The following CBX7 variants were observed in gnomAD, a reference collection of about 807,000 sequenced individuals.
CBX7 encodes chromobox 7, also known as chromobox protein homolog 7.
Under a neutral mutation model 31.4 loss-of-function variants are expected in CBX7, and 14 were observed. The observed-to-expected ratio is 0.45, with a 90% CI of 0.29 to 0.70. The LOEUF is 0.70. Ranked by LOEUF, CBX7 falls within the 30% of genes least tolerant of loss-of-function variation. CBX7 has a pLI of 0.11. For synonymous variants in CBX7, 159 were observed against 152.6 expected, an observed-to-expected ratio of 1.04 and a Z score of -0.31; for missense variants, 269 against 351.9, an observed-to-expected ratio of 0.76 and a Z score of 1.89.
chr22:39,150,743 C>T (rs1930821058), intron 1 of CBX7, among the ~76,000 whole-genome samples: 1 of 152,088 alleles, frequency 6.6e-6, no homozygotes, highest in Non-Finnish European at 1.5e-5. Flanking sequence ...GCACTGCAGC[C>T]TGGGTGACAG....
chr22:39,150,025 C>T (rs113053332), intron 1 of CBX7, among the ~76,000 whole-genome samples, 193 bp from the exon 2 acceptor site: 20 of 152,276 alleles, frequency 1.3e-4, no homozygotes, highest in African/African-American at 4.8e-4. Context: ...GCTGCATGCC[C>T]GCCCCATACT....
rs202216099 is a variant in CBX7 at position 39,133,930 on chromosome 22, T to C, written c.717A>G (p.Ala239=). 3.0e-5 allele frequency: 49 copies of C among 1,613,580 alleles called. 1 individual carries two copies. In the East Asian group the frequency reaches 1.0e-3, roughly 35 times the overall value. The change falls in exon 6 of 6, where the codon GCA becomes GCG. Residue 239 remains alanine (A), a synonymous_variant. Coordinates refer to ENST00000216133, the MANE Select transcript of CBX7 (RefSeq NM_175709.5). ...SITVTFREAQ[A]AEGFFRDRSG... is the part of the protein sequence containing the mutation. ...TGCGGTCTCGGAAGAAGCCCTCAGC[T>C]GCCTGGGCCTCGCGGAAGGTGACGG... is the stretch of plus-strand genomic sequence containing the variant.
At chr22:39,139,991 C>T (rs1428503471) in intron 3 of CBX7, among the ~76,000 whole-genome samples, 1 of 152,072 alleles carries the variant, frequency 6.6e-6, no homozygotes, top group Non-Finnish European at 1.5e-5. Context: ...CATAAGACAA[C>T]ACAACCAGAG....
Position 39,152,299 on chromosome 22 carries a change from C to A in CBX7, c.69+77G>T. ...CCCGCGCCCCGCTTTCCCCTTCAGCCCCAGCGTGGAGGGAGCGGTGCTGGG... is the reference window on the plus strand; with the variant it reads ...CCCGCGCCCCGCTTTCCCCTTCAGCACCAGCGTGGAGGGAGCGGTGCTGGG... On this transcript the variant is annotated intron_variant, in intron 1 of 5. Coordinates refer to ENST00000216133, the MANE Select transcript of CBX7 (RefSeq NM_175709.5). The surrounding 1 kb of genome is among the most constrained non-coding windows in gnomAD (Gnocchi z 4.9). 1.0e-6 allele frequency: 1 copy of A among 992,604 alleles called. No homozygotes were observed. Among genetic ancestry groups the A allele is most frequent in the Non-Finnish European group, 1.3e-6 (1 of 762,084 alleles). The allele number at this position is 992,604 out of a possible 1,614,324, so 61.5% of individuals were successfully genotyped here.
chr22:39,142,501 A>AAG (rs1930496452), intron 2 of CBX7, among the ~76,000 whole-genome samples: 1 of 152,174 alleles, frequency 6.6e-6, no homozygotes, highest in Non-Finnish European at 1.5e-5. Context: ...CTCGCCACCC[A>AAG]GCCAGGGAGC....
chr22:39,146,210 G>A (rs2146368204), intron 2 of CBX7, among the ~76,000 whole-genome samples: 1 of 152,366 alleles, frequency 6.6e-6, no homozygotes, highest in South Asian at 2.1e-4. Flanking sequence ...GATGTGTTAA[G>A]CCACGGAAAG....
Position 39,152,515 on chromosome 22 carries a change from C to T in CBX7, c.-71G>A. On this transcript the variant is annotated 5_prime_UTR_variant, in exon 1 of 6. Coordinates refer to ENST00000216133, the MANE Select transcript of CBX7 (RefSeq NM_175709.5). The surrounding 1 kb of genome is among the most constrained non-coding windows in gnomAD (Gnocchi z 4.9). Reference sequence around the variant, plus strand: ...CGGAGCTGCGGGGCCGCGGCTGCGGCGCGCGATGCTGGGGCTGGCGGGGTC... The same window carrying T: ...CGGAGCTGCGGGGCCGCGGCTGCGGTGCGCGATGCTGGGGCTGGCGGGGTC... The T allele has an allele frequency of 4.4e-6, 3 of 687,722 alleles. No individual in the cohort carries two copies. Among genetic ancestry groups the T allele is most frequent in the Non-Finnish European group, 5.4e-6 (3 of 558,762 alleles). The allele number at this position is 687,722 out of a possible 1,614,324, so 42.6% of individuals were successfully genotyped here. A position where few individuals can be genotyped will look rare whatever the true frequency, so the allele number is the denominator to read the frequency against.
rs1481587704 is a variant in CBX7, at chr22:39,137,370, C to T, written c.246+1266G>A. On this transcript the variant is annotated intron_variant, in intron 4 of 5. Coordinates refer to ENST00000216133, the MANE Select transcript of CBX7 (RefSeq NM_175709.5). ...GGTGGGGGGGCGGGGCGGCAGGGGA[C>T]GGAGTTTCACTCTTATCACCCAGGC... 4.0e-5 allele frequency among the ~76,000 whole-genome samples: 6 copies of T among 151,842 alleles called. No homozygotes were observed. The South Asian group carries it at 8.4e-4, about 21-fold the overall frequency.
intron 3 of CBX7, 159 bp downstream of exon 3, chr22:39,141,212 C>A: frequency 1.7e-6 from 1 of 587,668 alleles, no homozygotes; most frequent in East Asian, 3.1e-5. Flanking sequence ...TGCCCTGGGA[C>A]TCAGTGCCCA....
intron 4 of CBX7, chr22:39,135,193 G>C (rs962618848): frequency 6.2e-6 from 1 of 162,482 alleles, no homozygotes; most frequent in Non-Finnish European, 1.3e-5. Flanking sequence ...TGTGCTCTTG[G>C]AGTTGCTTGG....
At chr22:39,137,041 G>A (rs747621093) in intron 4 of CBX7, among the ~76,000 whole-genome samples, 3 of 152,132 alleles carry the variant, frequency 2.0e-5, no homozygotes, top group Non-Finnish European at 4.4e-5. Context: ...TATCCTGCCT[G>A]GTGGGTCTTA....
rs1196779356 is a variant in CBX7, at chr22:39,134,009, G to A, written c.638C>T (p.Pro213Leu). 1.9e-6 allele frequency: 3 copies of A among 1,611,534 alleles called. No homozygotes were observed. In the Admixed American group the frequency reaches 5.0e-5, roughly 27 times the overall value. The change falls in exon 6 of 6, where the codon CCT becomes CTT. Residue 213 changes from proline to leucine, a missense_variant. This residue lies in a region of CBX7 where 222 missense variants were observed against 240.4 expected (regional missense o/e 0.92). Coordinates refer to ENST00000216133, the MANE Select transcript of CBX7 (RefSeq NM_175709.5). ...DLAEGPPPWT[P>L]ALPSSEVTVT... ...GGTCACCTCACTTGAGGGGAGCGCA[G>A]GTGTCCAGGGAGGGGGCCCCTCGGC... is the stretch of plus-strand genomic sequence containing the variant.
At chr22:39,140,860 C>T (rs1290121122) in intron 3 of CBX7, among the ~76,000 whole-genome samples, 2 of 152,146 alleles carry the variant, frequency 1.3e-5, no homozygotes, top group Non-Finnish European at 2.9e-5. Context: ...CAGGCCAGAA[C>T]TCAGAAATCC....
At chr22:39,142,947 GCCA>G (rs1930512612) in intron 2 of CBX7, among the ~76,000 whole-genome samples, 1 of 143,834 alleles carries the variant, frequency 7.0e-6, no homozygotes, top group Non-Finnish European at 1.5e-5. Context: ...AAGCTTTAAG[GCCA>G]GTGTCTTAGG....
At chr22:39,143,740 T>C (rs1204686315) in intron 2 of CBX7, among the ~76,000 whole-genome samples, 1 of 152,236 alleles carries the variant, frequency 6.6e-6, no homozygotes, top group African/African-American at 2.4e-5. Flanking sequence ...ACTGCACCTT[T>C]TCTACGTTTG....
chr22:39,139,485 A>T (rs561214296), intron 3 of CBX7, among the ~76,000 whole-genome samples: 1 of 151,280 alleles, frequency 6.6e-6, no homozygotes, highest in East Asian at 2.0e-4. Context: ...GGCAGATTAC[A>T]AGGTCAGGAG....
intron 1 of CBX7, among the ~76,000 whole-genome samples, chr22:39,151,914 A>T (rs1005435100): frequency 9.2e-5 from 14 of 152,068 alleles, no homozygotes; most frequent in Non-Finnish European, 1.6e-4. Context: ...GGAAAAGGCC[A>T]AAGTCCAGCA....
rs575990024 is a variant in CBX7, at chr22:39,131,531, G to A, written c.*2360C>T. On this transcript the variant is annotated 3_prime_UTR_variant, in exon 6 of 6. Transcript: ENST00000216133. ...TCCCCCAGGGAGCTGGCTCACTACA[G>A]CCCATGAGCCACCTGGCTGCCCTGA... is the stretch of plus-strand genomic sequence containing the variant. 2 of 152,682 alleles carry A rather than the reference G, an allele frequency of 1.3e-5. No individual in the cohort carries two copies. The highest frequency in any genetic ancestry group is 2.1e-4 in the South Asian group (1 of 4,824). 9.5% of individuals were successfully genotyped at this position (152,682 alleles called of 1,614,324 possible). A position where few individuals can be genotyped will look rare whatever the true frequency, so the allele number is the denominator to read the frequency against.
Position 39,152,308 on chromosome 22 carries a change from G to T in CBX7, c.69+68C>A. 1 of 1,068,640 alleles carries T rather than the reference G, an allele frequency of 9.4e-7. No individual in the cohort carries two copies. Among genetic ancestry groups the T allele is most frequent in the Non-Finnish European group, 1.2e-6 (1 of 822,760 alleles). The allele number at this position is 1,068,640 out of a possible 1,614,324, so 66.2% of individuals were successfully genotyped here. On this transcript the variant is annotated intron_variant, in intron 1 of 5. Coordinates refer to ENST00000216133, the MANE Select transcript of CBX7 (RefSeq NM_175709.5). This position sits in a 1 kb window ranked among gnomAD's most constrained non-coding sequence, Gnocchi z 4.9. ...CGCTTTCCCCTTCAGCCCCAGCGTG[G>T]AGGGAGCGGTGCTGGGGACGGGAGG...
Sources: gnomAD v4.1 joint callset for allele counts (sites outside exome capture counted in the v4.1 genomes callset) on GRCh38, gnomAD v4.1.1 for gene constraint, gnomAD v4.1.1 regional missense constraint, Gnocchi (gnomAD v3.1) non-coding constraint, MANE v1.5 for transcripts, NCBI Gene and HGNC (gene_info 2026-07-23, HGNC 2026-07-21) for gene names.